Variants in GPX1 observed in about 807,000 individuals in gnomAD.
The protein encoded by GPX1 is glutathione peroxidase 1, also known as GSHPx-1.
In GPX1, 8 loss-of-function variants were observed where a neutral mutation model predicts 11.5. That is an observed-to-expected ratio of 0.70 (90% CI 0.41 to 1.25). The LOEUF (loss-of-function observed/expected upper bound fraction) is 1.25, where lower values mean the gene tolerates loss of function less well. Among genes scored for constraint, GPX1 ranks in the 50% most tolerant of loss-of-function variants. The pLI is 0.01. For missense variants in GPX1, 266 were observed against 284.3 expected (o/e 0.94, Z 0.46); for synonymous variants, 142 against 127.8 (o/e 1.11, Z -0.75).
rs376135456 is a variant in GPX1 at position 49,357,586 on chromosome 3, G to A, written c.414C>T (p.Asp138=). The change falls in exon 2 of 2, where the codon GAC becomes GAT. Residue 138 remains aspartate (D), a synonymous_variant. Transcript: ENST00000419783. ...FLREALPAPS[D]DATALMTDPK... Reference sequence around the variant, plus strand: ...GGTCGGTCATAAGCGCGGTGGCGTCGTCGCTGGGAGCTGGCAGGGCCTCCC... The same window carrying A: ...GGTCGGTCATAAGCGCGGTGGCGTCATCGCTGGGAGCTGGCAGGGCCTCCC... 7 of 1,612,986 alleles carry A rather than the reference G, an allele frequency of 4.3e-6. No homozygotes were observed. The Admixed American group carries it at 6.7e-5, about 15-fold the overall frequency.
intron 1 of GPX1, 122 bp from the exon 2 acceptor site, chr3:49,357,869 G>T: frequency 1.3e-6 from 2 of 1,521,272 alleles, no homozygotes; most frequent in African/African-American, 2.8e-5. Flanking sequence ...AATCCCAAGG[G>T]CGGAGAGGAA....
rs768873875 is a variant in GPX1, at chr3:49,357,741, C to G, written c.259G>C (p.Ala87Pro). 1.6e-5 allele frequency: 25 copies of G among 1,603,964 alleles called. No homozygotes were observed. Among genetic ancestry groups the G allele is most frequent in the African/African-American group, 2.7e-5 (2 of 74,704 alleles). The stretch of plus-strand genomic sequence containing the variant: ...GAATTCAGAATCTCTTCGTTCTTGG[C>G]GTTCTCCTACAGGAGAGAAGGGCAG... ...PCNQFGHQEN[A>P]KNEEILNSLK... Residue 87 changes from alanine (A) to proline (P), a missense_variant, in exon 2 of 2, where the codon GCC becomes CCC. By Grantham distance (27) the Ala-to-Pro change is conservative. Coordinates refer to ENST00000419783, the MANE Select transcript of GPX1 (RefSeq NM_000581.4).
At chr3:49,357,830 G>T (rs1159196552) in intron 1 of GPX1, 83 bp from the exon 2 acceptor site, 2 of 1,531,262 alleles carry the variant, frequency 1.3e-6, no homozygotes, top group Admixed American at 2.1e-5. Context: ...GATTTTCTAT[G>T]AGTCACCGGG....
In GPX1 at chr3:49,357,456, G is replaced by C. The variant is rs760292994; in HGVS notation, c.544C>G (p.Arg182Gly). 9.9e-6 allele frequency: 16 copies of C among 1,613,004 alleles called. No homozygotes were observed. The African/African-American group carries it at 2.1e-4, about 22-fold the overall frequency. Reference sequence around the variant, plus strand: ...GGCTCGATGTCAATGGTCTGGAAGCGGCGGCTGTACCTGCGTAGGGGCACA... The same window carrying C: ...GGCTCGATGTCAATGGTCTGGAAGCCGCGGCTGTACCTGCGTAGGGGCACA... ...DGVPLRRYSR[R>G]FQTIDIEPDI... Residue 182 changes from arginine to glycine, a missense_variant, in exon 2 of 2, where the codon CGC (arginine) becomes GGC (glycine). Coordinates refer to ENST00000419783, the MANE Select transcript of GPX1 (RefSeq NM_000581.4).
chr3:49,357,845 T>C (rs1456350281), intron 1 of GPX1, 98 bp from the exon 2 acceptor site: 134 of 1,527,080 alleles, frequency 8.8e-5, no homozygotes, highest in Non-Finnish European at 1.2e-4. Context: ...ACCGGGATTT[T>C]GCCCTCCATG....
rs1447481570 is a variant in GPX1 at position 49,358,193 on chromosome 3, G to A, written c.86C>T (p.Pro29Leu). The A allele has an allele frequency of 1.3e-6, 2 of 1,565,998 alleles. No homozygotes were observed. Among genetic ancestry groups the A allele is most frequent in the Admixed American group, 1.9e-5 (1 of 52,580 alleles). Residue 29 changes from proline (P) to leucine (L), a missense_variant, in exon 1 of 2, where the codon CCT (proline) becomes CTT (leucine). Pro to Leu is a moderately conservative substitution (Grantham distance 98). Coordinates refer to ENST00000419783, the MANE Select transcript of GPX1 (RefSeq NM_000581.4). ...GCCCCGCAGGGAGCCCAGGCTCACAGGCTCCCCGCCGGCCAGCGGGCGCGC... is the reference window on the plus strand; with the variant it reads ...GCCCCGCAGGGAGCCCAGGCTCACAAGCTCCCCGCCGGCCAGCGGGCGCGC... Reference protein sequence around the residue: ...FSARPLAGGEPVSLGSLRGKV... With the variant: ...FSARPLAGGELVSLGSLRGKV...
rs200311870 is a variant in GPX1, at chr3:49,358,028, T to A, written c.251A>T (p.Gln84Leu). ...LGFPCNQFGH[Q>L]ENAKNEEILN... is the part of the protein sequence containing the mutation. ...CCCGCCCCGCTCCGCCCGGCGCACCTGATGCCCAAACTGGTTGCACGGGAA... is the reference window on the plus strand; with the variant it reads ...CCCGCCCCGCTCCGCCCGGCGCACCAGATGCCCAAACTGGTTGCACGGGAA... Residue 84 changes from glutamine to leucine, a missense_variant and splice_region_variant, in exon 1 of 2, where the codon CAG becomes CTG. Coordinates refer to ENST00000419783, the MANE Select transcript of GPX1 (RefSeq NM_000581.4). 6.2e-7 allele frequency: 1 copy of A among 1,609,012 alleles called. No homozygotes were observed.
At chr3:49,357,774 C>T in intron 1 of GPX1, 27 bp from the exon 2 acceptor site, 1 of 1,585,532 alleles carries the variant, frequency 6.3e-7, no homozygotes, top group South Asian at 1.1e-5. Flanking sequence ...CAGCTAGAAC[C>T]CGGGGTCAAG....
At position 49,357,371 on chromosome 3, in the gene GPX1, G is replaced by A. The variant is rs377188128; in HGVS notation, c.*17C>T. Reference sequence around the variant, plus strand: ...GCAGCACTGCAACTGCCAAGCAGCCGGGGTAGGAGGGGCGCCCTAGGCACA... The same window carrying A: ...GCAGCACTGCAACTGCCAAGCAGCCAGGGTAGGAGGGGCGCCCTAGGCACA... On this transcript the variant is annotated 3_prime_UTR_variant, in exon 2 of 2. Coordinates refer to ENST00000419783, the MANE Select transcript of GPX1 (RefSeq NM_000581.4). 1.3e-6 allele frequency: 2 copies of A among 1,590,310 alleles called. No homozygotes were observed. The highest frequency in any genetic ancestry group is 4.5e-5 in the East Asian group (2 of 44,276).
chr3:49,357,271 T>G lies in GPX1; in HGVS notation c.*117A>C. 1 of 1,025,160 alleles carries G rather than the reference T, an allele frequency of 9.8e-7. No individual in the cohort carries two copies. Among genetic ancestry groups the G allele is most frequent in the South Asian group, 1.6e-5 (1 of 62,324 alleles). 63.5% of individuals were successfully genotyped at this position (1,025,160 alleles called of 1,614,324 possible). ...ACCAGCACCCATCTCGAGGTGGTAT[T>G]TTCTGTAAGATCAGGTGTTCCTCCC... On this transcript the variant is annotated 3_prime_UTR_variant, in exon 2 of 2. Coordinates refer to ENST00000419783, the MANE Select transcript of GPX1 (RefSeq NM_000581.4).
Position 49,358,117 on chromosome 3 carries a change from C to A in GPX1, c.162G>T (p.Arg54=). The A allele has an allele frequency of 6.2e-7, 1 of 1,610,696 alleles. No individual in the cohort carries two copies. Among genetic ancestry groups the A allele is most frequent in the Non-Finnish European group, 8.5e-7 (1 of 1,179,406 alleles). ...NVASLUGTTV[R]DYTQMNELQR... is the part of the protein sequence containing the mutation. Reference sequence around the variant, plus strand: ...GCAGCTCGTTCATCTGGGTGTAGTCCCGGACCGTGGTGCCTCAGAGGGACG... The same window carrying A: ...GCAGCTCGTTCATCTGGGTGTAGTCACGGACCGTGGTGCCTCAGAGGGACG... Residue 54 remains arginine, a synonymous_variant, in exon 1 of 2, where the codon CGG becomes CGT. Coordinates refer to ENST00000419783, the MANE Select transcript of GPX1 (RefSeq NM_000581.4).
chr3:49,357,689 C>A lies in GPX1; in HGVS notation c.311G>T (p.Gly104Val), dbSNP rs1396901040. Residue 104 changes from glycine to valine, a missense_variant, in exon 2 of 2, where the codon GGG becomes GTG. Coordinates refer to ENST00000419783, the MANE Select transcript of GPX1 (RefSeq NM_000581.4). ...NSLKYVRPGG[G>V]FEPNFMLFEK... ...GAAGAGCATGAAGTTGGGCTCGAAC[C>A]CACCACCAGGCCGGACGTACTTGAG... 1 of 1,612,804 alleles carries A rather than the reference C, an allele frequency of 6.2e-7. No homozygotes were observed. Among genetic ancestry groups the A allele is most frequent in the Non-Finnish European group, 8.5e-7 (1 of 1,179,304 alleles).
intron 1 of GPX1, 88 bp from the exon 2 acceptor site, chr3:49,357,835 A>C (rs2047870106): frequency 6.5e-7 from 1 of 1,530,490 alleles, no homozygotes; most frequent in South Asian, 1.3e-5. Flanking sequence ...TCTATGAGTC[A>C]CCGGGATTTT....
rs899533338 is a variant in GPX1 at position 49,358,353 on chromosome 3, T to C, written c.-75A>G. The C allele has an allele frequency of 8.3e-6, 12 of 1,445,782 alleles. No individual in the cohort carries two copies. In the South Asian group the frequency reaches 1.6e-4, roughly 19 times the overall value. 89.6% of individuals were successfully genotyped at this position (1,445,782 alleles called of 1,614,324 possible). On this transcript the variant is annotated 5_prime_UTR_variant, in exon 1 of 2. Transcript: ENST00000419783. ...GGGGAGGCCAGCAGGCGCCTCCTTT[T>C]AACTGGCCGGCGGCGGGTCACGTGG...
chr3:49,358,331 G>T lies in GPX1; in HGVS notation c.-53C>A, dbSNP rs934807633. The T allele has an allele frequency of 4.3e-5, 63 of 1,475,732 alleles. No individual in the cohort carries two copies. The highest frequency in any genetic ancestry group is 2.8e-4 in the Admixed American group (11 of 39,576). The allele number at this position is 1,475,732 out of a possible 1,614,324, so 91.4% of individuals were successfully genotyped here. On this transcript the variant is annotated 5_prime_UTR_variant, in exon 1 of 2. Coordinates refer to ENST00000419783, the MANE Select transcript of GPX1 (RefSeq NM_000581.4). ...GCGCCCCGAACAAGCACTGTAAGGG[G>T]AGGCCAGCAGGCGCCTCCTTTTAAC...
At position 49,358,154 on chromosome 3, in the gene GPX1, A is replaced by G. The variant is rs778272154; in HGVS notation, c.125T>C (p.Ile42Thr). 2.2e-5 allele frequency: 36 copies of G among 1,602,474 alleles called. 1 individual carries two copies. In the East Asian group the frequency reaches 3.1e-4, roughly 14 times the overall value. The change falls in exon 1 of 2, where the codon ATC becomes ACC. Residue 42 changes from isoleucine to threonine, a missense_variant. By Grantham distance (89) the Ile-to-Thr change is moderately conservative (BLOSUM62 -1). Coordinates refer to ENST00000419783, the MANE Select transcript of GPX1 (RefSeq NM_000581.4). ...LGSLRGKVLL[I>T]ENVASLUGTT... ...GCCTCAGAGGGACGCCACATTCTCGATAAGTAGTACCTTGCCCCGCAGGGA... is the reference window on the plus strand; with the variant it reads ...GCCTCAGAGGGACGCCACATTCTCGGTAAGTAGTACCTTGCCCCGCAGGGA...
Position 49,357,179 on chromosome 3 carries a change from TGCTGACACCCGGCACTTTATTAGTG to T in GPX1, c.*184_*208del. Reference sequence around the variant, plus strand: ...ATGACACAGGACATACACACAGTTCTGCTGACACCCGGCACTTTATTAGTGGGGAAACTCGCCTTGGTCTGGCAGA... The same window carrying T: ...ATGACACAGGACATACACACAGTTCTGGGAAACTCGCCTTGGTCTGGCAGA... On this transcript the variant is annotated 3_prime_UTR_variant, in exon 2 of 2. Transcript: ENST00000419783. 1.7e-6 allele frequency: 1 copy of T among 580,864 alleles called. No homozygotes were observed. 36.0% of individuals were successfully genotyped at this position (580,864 alleles called of 1,614,324 possible).
rs200311870 is a variant in GPX1 at position 49,358,028 on chromosome 3, T to C, written c.251A>G (p.Gln84Arg). 1.5e-4 allele frequency: 239 copies of C among 1,609,010 alleles called. No individual in the cohort carries two copies. Among genetic ancestry groups the C allele is most frequent in the South Asian group, 3.3e-5 (3 of 90,808 alleles). ...CCCGCCCCGCTCCGCCCGGCGCACC[T>C]GATGCCCAAACTGGTTGCACGGGAA... The part of the protein sequence containing the change: ...LGFPCNQFGH[Q>R]ENAKNEEILN... The change falls in exon 1 of 2, where the codon CAG becomes CGG. Residue 84 changes from glutamine (Q) to arginine (R), a missense_variant and splice_region_variant. Gln to Arg is a conservative substitution (Grantham distance 43). Transcript: ENST00000419783.
chr3:49,357,244 G>A lies in GPX1; in HGVS notation c.*144C>T, dbSNP rs1462682360. Reference sequence around the variant, plus strand: ...GGTCTGGCAGAGACTGGGATCAACAGGACCAGCACCCATCTCGAGGTGGTA... The same window carrying A: ...GGTCTGGCAGAGACTGGGATCAACAAGACCAGCACCCATCTCGAGGTGGTA... On this transcript the variant is annotated 3_prime_UTR_variant, in exon 2 of 2. Transcript: ENST00000419783. 13 of 801,138 alleles carry A rather than the reference G, an allele frequency of 1.6e-5. No homozygotes were observed. The highest frequency in any genetic ancestry group is 5.8e-5 in the Admixed American group (2 of 34,528). The allele number at this position is 801,138 out of a possible 1,614,324, so 49.6% of individuals were successfully genotyped here.
Sources: allele counts gnomAD v4.1 joint callset, GRCh38; gene constraint gnomAD v4.1.1; transcripts MANE v1.5; gene names NCBI Gene and HGNC (gene_info 2026-07-23, HGNC 2026-07-21).